The following PKD1 variants were observed in gnomAD, a reference collection of about 807,000 sequenced individuals.
PKD1 encodes the protein polycystin 1, transient receptor potential channel interacting.
PKD1 carries 81 observed loss-of-function variants against 361.7 expected under a neutral mutation model. The observed-to-expected ratio is 0.22, with a 90% CI of 0.19 to 0.27. The LOEUF is 0.27. PKD1 is among the 10% of genes least tolerant of loss of function. The pLI, the probability that PKD1 is intolerant of heterozygous loss-of-function variation, is 1.00. For synonymous variants in PKD1, 3,615 were observed against 2,818.3 expected, an observed-to-expected ratio of 1.28 and a Z score of -8.95; for missense variants, 6,399 against 6,118.3, an observed-to-expected ratio of 1.05 and a Z score of -1.53.
At chr16:2,091,987 C>G (rs764653613) in intron 40 of PKD1, 60 bp downstream of exon 40, 90 of 1,612,248 alleles carry the variant, frequency 5.6e-5, no homozygotes, top group Middle Eastern at 1.6e-4. Flanking sequence ...GGCCGCGGCA[C>G]TCCTGGAGAA....
chr16:2,112,990 A>C, intron 12 of PKD1, 27 bp from the exon 13 acceptor site: 1 of 1,589,528 alleles, frequency 6.3e-7, no homozygotes, highest in Non-Finnish European at 8.5e-7. Context: ...CAGTGAGCCC[A>C]GGTGGCAGGT....
In PKD1 at chr16:2,090,668, A is replaced by C. The variant is rs1293917537; in HGVS notation, c.12138+6T>G. 8 of 1,611,880 alleles carry C rather than the reference A, an allele frequency of 5.0e-6. No homozygotes were observed. Among genetic ancestry groups the C allele is most frequent in the Non-Finnish European group, 8.5e-7 (1 of 1,179,912 alleles). ...AGACGCCCTCCCCGGCCGCGCAGTCACCTACCAGGATGGCCAGCTGGGCGT... is the reference window on the plus strand; with the variant it reads ...AGACGCCCTCCCCGGCCGCGCAGTCCCCTACCAGGATGGCCAGCTGGGCGT... On this transcript the variant is annotated splice_donor_region_variant and intron_variant, in intron 44 of 45. Transcript: ENST00000262304.
intron 16 of PKD1, 68 bp downstream of exon 16, chr16:2,107,815 G>T (rs2092397120): frequency 6.1e-6 from 9 of 1,475,638 alleles, no homozygotes; most frequent in South Asian, 6.0e-5. Flanking sequence ...CTAAAACACG[G>T]AAAACAGTAG....
In PKD1 at chr16:2,114,810, G is replaced by A. The variant is rs556791789; in HGVS notation, c.2213C>T (p.Pro738Leu). Residue 738 changes from proline (P) to leucine (L), a missense_variant, in exon 11 of 46, where the codon CCC becomes CTC. Transcript: ENST00000262304. ...GTTGGCGGAGAGGTACGGGGCCCGGGGACCAGGGTGGCCGGGAGCCGGCGA... is the reference window on the plus strand; with the variant it reads ...GTTGGCGGAGAGGTACGGGGCCCGGAGACCAGGGTGGCCGGGAGCCGGCGA... ...HCSPAPGHPG[P>L]RAPYLSANAS... 1.9e-5 allele frequency: 19 copies of A among 987,056 alleles called. No individual in the cohort carries two copies. In the African/African-American group the frequency reaches 2.4e-4, roughly 13 times the overall value. 61.1% of individuals were successfully genotyped at this position (987,056 alleles called of 1,614,324 possible). A position where few individuals can be genotyped will look rare whatever the true frequency, so the allele number is the denominator to read the frequency against.
rs376991027 is a variant in PKD1 at position 2,111,094 on chromosome 16, G to C, written c.4073C>G (p.Ala1358Gly). Residue 1358 changes from alanine (A) to glycine (G), a missense_variant, in exon 15 of 46, where the codon GCG becomes GGG. Transcript: ENST00000262304. ...GTTCACGCGGCTGGACAGCACCAGC[G>C]CCAGGGGGAACGTGCCGCTCCGCGT... ...NFTRSGTFPL[A>G]LVLSSRVNRA... 1.9e-6 allele frequency: 3 copies of C among 1,610,580 alleles called. No individual in the cohort carries two copies. In the African/African-American group the frequency reaches 4.0e-5, roughly 22 times the overall value.
intron 1 of PKD1, among the ~76,000 whole-genome samples, chr16:2,127,384 G>A (rs2092812546): frequency 6.6e-6 from 1 of 152,226 alleles, no homozygotes; most frequent in African/African-American, 2.4e-5. Context: ...GAGTGGGCCG[G>A]GTCTTGTGAG....
intron 1 of PKD1, among the ~76,000 whole-genome samples, chr16:2,126,204 C>G (rs925128437): frequency 3.3e-5 from 5 of 152,254 alleles, no homozygotes; most frequent in Admixed American, 1.3e-4. Context: ...CCCGGAGCCC[C>G]TGTACTCCCA....
rs769185882 is a variant in PKD1, at chr16:2,103,647, A to C, written c.8410T>G (p.Cys2804Gly). The C allele has an allele frequency of 6.2e-7, 1 of 1,610,248 alleles. No homozygotes were observed. The highest frequency in any genetic ancestry group is 8.5e-7 in the Non-Finnish European group (1 of 1,179,690). The stretch of plus-strand genomic sequence containing the variant: ...AAAGCCTCGGGGATGGAGAAGTGGC[A>C]GCCAGGCCCTGGGGCGCCGCCATAG... The part of the protein sequence containing the change: ...LCYGGAPGPG[C>G]HFSIPEAFSG... Residue 2804 changes from cysteine to glycine, a missense_variant, in exon 23 of 46, where the codon TGC becomes GGC. Coordinates refer to ENST00000262304, the MANE Select transcript of PKD1 (RefSeq NM_001009944.3).
intron 30 of PKD1, chr16:2,099,259 G>T (rs1027731881): frequency 1.1e-4 from 39 of 357,720 alleles, no homozygotes; most frequent in African/African-American, 7.9e-4. Context: ...ACCACACCCG[G>T]CCCGGCCACT....
chr16:2,092,770 G>A (rs1014853313), intron 38 of PKD1, 178 bp from the exon 39 acceptor site: 33 of 848,710 alleles, frequency 3.9e-5, no homozygotes, highest in African/African-American at 2.7e-4. Context: ...TCATGGGCCC[G>A]TCCTGTGCAC....
At position 2,108,258 on chromosome 16, in the gene PKD1, C is replaced by G. The variant is rs149544852; in HGVS notation, c.6909G>C (p.Ser2303=). ...GGCCCTGCCACGCACTGACCTGTGT[C>G]GAAGCCACACAGGCCCAGTGGAAAC... ...PLSFHWACVA[S]TQREAGGCAL... The change falls in exon 15 of 46, where the codon TCG becomes TCC. Residue 2303 remains serine (S), a synonymous_variant. Transcript: ENST00000262304. 1.9e-6 allele frequency: 3 copies of G among 1,598,444 alleles called. No individual in the cohort carries two copies. Among genetic ancestry groups the G allele is most frequent in the African/African-American group, 2.7e-5 (2 of 74,668 alleles).
Position 2,088,897 on chromosome 16 carries a change from A to AGT in PKD1, c.*829_*830insAC. On this transcript the variant is annotated 3_prime_UTR_variant, in exon 46 of 46. Transcript: ENST00000262304. ...TGCGCGCGCGCACACACACACACACACAGTCACCTTCCTCCACCCTGGGAG... is the reference window on the plus strand; with the variant it reads ...TGCGCGCGCGCACACACACACACACAGTCAGTCACCTTCCTCCACCCTGGGAG... 1 of 426,030 alleles carries AGT rather than the reference A, an allele frequency of 2.3e-6. No individual in the cohort carries two copies. Among genetic ancestry groups the AGT allele is most frequent in the Non-Finnish European group, 4.3e-6 (1 of 231,104 alleles). The allele number at this position is 426,030 out of a possible 1,614,324, so 26.4% of individuals were successfully genotyped here. A position where few individuals can be genotyped will look rare whatever the true frequency, so the allele number is the denominator to read the frequency against.
chr16:2,088,734 C>T lies in PKD1; in HGVS notation c.*993G>A. ...TGCAGTCAGACAGCTCTTTTATTGA[C>T]TTTGTCTGCTTGGTGCGGGGGTTGG... On this transcript the variant is annotated 3_prime_UTR_variant, in exon 46 of 46. Transcript: ENST00000262304. 2.2e-6 allele frequency: 3 copies of T among 1,334,972 alleles called. No individual in the cohort carries two copies. Among genetic ancestry groups the T allele is most frequent in the Non-Finnish European group, 1.0e-6 (1 of 980,746 alleles). The allele number at this position is 1,334,972 out of a possible 1,614,324, so 82.7% of individuals were successfully genotyped here.
rs1336787148 is a variant in PKD1 at position 2,116,711 on chromosome 16, G to T, written c.1607-67C>A. ...AGGACACCAGGACGAACAGACTGGG[G>T]ACCGAGCCGCCCGAAAACCCCCCCA... On this transcript the variant is annotated intron_variant, in intron 7 of 45. Coordinates refer to ENST00000262304, the MANE Select transcript of PKD1 (RefSeq NM_001009944.3). 9 of 1,207,274 alleles carry T rather than the reference G, an allele frequency of 7.5e-6. No individual in the cohort carries two copies. The East Asian group carries it at 1.8e-4, about 24-fold the overall frequency. 74.8% of individuals were successfully genotyped at this position (1,207,274 alleles called of 1,614,324 possible). A position where few individuals can be genotyped will look rare whatever the true frequency, so the allele number is the denominator to read the frequency against.
Position 2,113,162 on chromosome 16 carries a change from G to A in PKD1, c.2984C>T (p.Ser995Leu), listed in dbSNP as rs1263110894. The change falls in exon 12 of 46, where the codon TCA (serine) becomes TTA (leucine). Residue 995 changes from serine (S) to leucine (L), a missense_variant and splice_region_variant. Physicochemically the swap from Ser to Leu is moderately radical, Grantham distance 145. Transcript: ENST00000262304. ...IYQSAAVFKL[S>L]LTASNHVSNV... ...CCCTCCCCACCCCCGCCCACCTACTGAGAGCTTGAAGACCGCCGCGCTCTG... is the reference window on the plus strand; with the variant it reads ...CCCTCCCCACCCCCGCCCACCTACTAAGAGCTTGAAGACCGCCGCGCTCTG... 1.4e-6 allele frequency: 1 copy of A among 708,300 alleles called. No individual in the cohort carries two copies. The highest frequency in any genetic ancestry group is 2.3e-6 in the Non-Finnish European group (1 of 429,556). 43.9% of individuals were successfully genotyped at this position (708,300 alleles called of 1,614,324 possible). A position where few individuals can be genotyped will look rare whatever the true frequency, so the allele number is the denominator to read the frequency against.
intron 1 of PKD1, among the ~76,000 whole-genome samples, chr16:2,129,861 G>A (rs917652298): frequency 1.4e-4 from 21 of 151,750 alleles, no homozygotes; most frequent in African/African-American, 5.1e-4. Flanking sequence ...GTTTAAACGG[G>A]GTCCCTGTCT....
intron 34 of PKD1, 63 bp downstream of exon 34, chr16:2,097,085 G>A (rs2091879184): frequency 8.6e-7 from 1 of 1,158,998 alleles, no homozygotes; most frequent in Non-Finnish European, 1.2e-6. Flanking sequence ...AACCACGGCT[G>A]CCTGGCCTGA....
rs945483554 is a variant in PKD1, at chr16:2,106,487, G to C, written c.7400C>G (p.Pro2467Arg). 1 of 1,593,430 alleles carries C rather than the reference G, an allele frequency of 6.3e-7. No individual in the cohort carries two copies. Among genetic ancestry groups the C allele is most frequent in the Non-Finnish European group, 8.5e-7 (1 of 1,177,430 alleles). ...AGAGCCCCCCAGCGGCGGGCGGTTG[G>C]GGGACAGGCGGATGGAGGCGCAGCC... ...EEGCASIRLS[P>R]NRPPLGGSCR... Residue 2467 changes from proline (P) to arginine (R), a missense_variant, in exon 18 of 46, where the codon CCC becomes CGC. By Grantham distance (103) the Pro-to-Arg change is moderately radical (BLOSUM62 -2). Coordinates refer to ENST00000262304, the MANE Select transcript of PKD1 (RefSeq NM_001009944.3). This position sits in a 1 kb window ranked among gnomAD's most constrained non-coding sequence, Gnocchi z 6.5.
rs770918119 is a variant in PKD1, at chr16:2,106,481, C to T, written c.7406G>A (p.Arg2469His). ...GCASIRLSPN[R>H]PPLGGSCRLF... is the part of the protein sequence containing the mutation. Reference sequence around the variant, plus strand: ...GCGGCAAGAGCCCCCCAGCGGCGGGCGGTTGGGGGACAGGCGGATGGAGGC... The same window carrying T: ...GCGGCAAGAGCCCCCCAGCGGCGGGTGGTTGGGGGACAGGCGGATGGAGGC... Residue 2469 changes from arginine (R) to histidine (H), a missense_variant, in exon 18 of 46, where the codon CGC (arginine) becomes CAC (histidine). Arg to His is a conservative substitution (Grantham distance 29). Transcript: ENST00000262304. The surrounding 1 kb of genome is among the most constrained non-coding windows in gnomAD (Gnocchi z 6.5). The T allele has an allele frequency of 3.8e-5, 60 of 1,591,526 alleles. No homozygotes were observed. The highest frequency in any genetic ancestry group is 1.8e-4 in the East Asian group (8 of 44,484).
Sources: gnomAD v4.1 joint callset for allele counts (sites outside exome capture counted in the v4.1 genomes callset) on GRCh38, gnomAD v4.1.1 for gene constraint, Gnocchi (gnomAD v3.1) non-coding constraint, MANE v1.5 for transcripts, NCBI Gene and HGNC (gene_info 2026-07-23, HGNC 2026-07-21) for gene names.